Variants in ANKRD26 observed in about 807,000 individuals in gnomAD.
ANKRD26 encodes the protein ankyrin repeat domain-containing protein 26.
Under a neutral mutation model 208.7 loss-of-function variants are expected in ANKRD26, and 141 were observed. The ratio of observed to expected loss-of-function variants is 0.68; its 90% CI spans 0.59 to 0.78. The LOEUF (loss-of-function observed/expected upper bound fraction) is 0.78. Ranked by LOEUF, ANKRD26 falls within the 30% of genes least tolerant of loss-of-function variation. ANKRD26 has a pLI of 0.00. For synonymous variants in ANKRD26, 636 were observed against 660.4 expected (o/e 0.96, Z 0.57); for missense variants, 1,889 against 1,938.7 (o/e 0.97, Z 0.48).
At chr10:26,993,379 T>C (rs1312067399) in intron 5 of ANKRD26, among the ~76,000 whole-genome samples, 1 of 152,210 alleles carries the variant, frequency 6.6e-6, no homozygotes, top group Non-Finnish European at 1.5e-5. Context: ...CACAATGCTT[T>C]CCAGGTATCC....
chr10:27,091,714 G>A (rs986660833), intron 4 of ANKRD26, among the ~76,000 whole-genome samples: 4 of 152,170 alleles, frequency 2.6e-5, no homozygotes, highest in Admixed American at 2.0e-4. Flanking sequence ...GTGGCCGGGC[G>A]CAGTGGCTTA....
chr10:27,072,363 T>C (rs1002798925), intron 9 of ANKRD26, among the ~76,000 whole-genome samples: 1 of 152,214 alleles, frequency 6.6e-6, no homozygotes, highest in South Asian at 2.1e-4. Context: ...AGCTTCTCCC[T>C]GGAACACTAC....
rs1456439852 is a variant in ANKRD26, at chr10:27,060,395, G to A, written c.1514C>T (p.Ser505Phe). The A allele has an allele frequency of 1.2e-6, 2 of 1,612,700 alleles. No homozygotes were observed. Among genetic ancestry groups the A allele is most frequent in the Non-Finnish European group, 8.5e-7 (1 of 1,179,052 alleles). ...CATTCCTCCTGCTTTATTTGGAACA[G>A]AATCTTTCATTTCAATGGTAGGCTG... is the stretch of plus-strand genomic sequence containing the variant. ...HLKPTIEMKD[S>F]VPNKAGGMKD... Residue 505 changes from serine (S) to phenylalanine (F), a missense_variant, in exon 15 of 34, where the codon TCT (serine) becomes TTT (phenylalanine). Ser to Phe is a radical substitution (Grantham distance 155). This residue lies in a region of ANKRD26 where 1,272 missense variants were observed against 1,273.8 expected (regional missense o/e 1.00). Coordinates refer to ENST00000376087, the MANE Select transcript of ANKRD26 (RefSeq NM_014915.3).
chr10:26,972,183 C>T (rs551640343), downstream of ANKRD26, among the ~76,000 whole-genome samples: 3 of 148,090 alleles, frequency 2.0e-5, no homozygotes, highest in African/African-American at 2.5e-5. Flanking sequence ...TGCAGTGAGC[C>T]GAGATCGTGC....
intron 21 of ANKRD26, among the ~76,000 whole-genome samples, 170 bp from the exon 22 acceptor site, chr10:27,038,224 A>G (rs2054107379): frequency 6.6e-6 from 1 of 152,132 alleles, no homozygotes; most frequent in Admixed American, 6.5e-5. Context: ...AGTCTTTTCC[A>G]AAGGACATAT....
chr10:26,988,879 C>CAA (rs56162186), downstream of ANKRD26, among the ~76,000 whole-genome samples: 7,326 of 137,160 alleles, frequency 0.053, 433 homozygotes, highest in East Asian at 0.2. Context: ...GACCTCTTCT[C>CAA]AAAAAAAAAA....
chr10:27,023,189 C>T (rs957459479), intron 28 of ANKRD26, among the ~76,000 whole-genome samples: 2 of 151,892 alleles, frequency 1.3e-5, no homozygotes, highest in South Asian at 2.1e-4. Flanking sequence ...ATTAGCCAGG[C>T]GTGGTGGTGC....
chr10:27,096,609 C>CA (rs1194052716), intron 1 of ANKRD26, among the ~76,000 whole-genome samples: 3 of 150,540 alleles, frequency 2.0e-5, no homozygotes, highest in Non-Finnish European at 4.4e-5. Flanking sequence ...ACTAAAAATA[C>CA]AAAAAAAATA....
chr10:27,071,357 G>A (rs572514338), intron 9 of ANKRD26, among the ~76,000 whole-genome samples: 83 of 148,552 alleles, frequency 5.6e-4, no homozygotes, highest in African/African-American at 2.0e-3. Context: ...TTTTTTTTTA[G>A]TAGGGACGGG....
downstream of ANKRD26, among the ~76,000 whole-genome samples, chr10:27,000,877 C>A (rs34873765): frequency 6.6e-6 from 1 of 151,778 alleles, no homozygotes; most frequent in Non-Finnish European, 1.5e-5. Flanking sequence ...GGCATGGTGG[C>A]GGCACCTGTA....
At chr10:26,978,661 T>C (rs1411559779) in intron 5 of ANKRD26, among the ~76,000 whole-genome samples, 6 of 152,230 alleles carry the variant, frequency 3.9e-5, no homozygotes, top group Middle Eastern at 3.4e-3. Flanking sequence ...TCCTGTCTGG[T>C]ATCCCTGGGA....
chr10:27,006,841 C>T (rs2052902590), intron 33 of ANKRD26, 76 bp downstream of exon 33: 1 of 1,135,152 alleles, frequency 8.8e-7, no homozygotes, highest in African/African-American at 1.5e-5. Context: ...GGAAAGGGAT[C>T]CCACTCACGA....
chr10:27,074,046 C>A (rs1018852572), intron 9 of ANKRD26, among the ~76,000 whole-genome samples: 1 of 151,796 alleles, frequency 6.6e-6, no homozygotes, highest in Non-Finnish European at 1.5e-5. Context: ...AAAATAAATT[C>A]AAAAATAATT....
intron 4 of ANKRD26, among the ~76,000 whole-genome samples, chr10:26,997,987 C>T (rs186791126): frequency 6.6e-6 from 1 of 152,172 alleles, no homozygotes; most frequent in Non-Finnish European, 1.5e-5. Context: ...ATAGCCCCCA[C>T]GGCCTGGTGT....
intron 18 of ANKRD26, among the ~76,000 whole-genome samples, chr10:27,045,021 CT>C (rs1300608902): frequency 6.6e-6 from 1 of 152,180 alleles, no homozygotes; most frequent in Non-Finnish European, 1.5e-5. Context: ...GACCTTAAAT[CT>C]AGCCAATTTG....
intron 7 of ANKRD26, 64 bp downstream of exon 7, chr10:27,079,025 A>C: frequency 7.0e-7 from 1 of 1,436,586 alleles, no homozygotes. Flanking sequence ...GCAAAATTTT[A>C]AGAGAATACT....
intron 29 of ANKRD26, among the ~76,000 whole-genome samples, chr10:27,021,957 CAT>C (rs1309215271): frequency 6.6e-5 from 10 of 152,200 alleles, no homozygotes; most frequent in Admixed American, 3.3e-4. Context: ...TTGTTAGATG[CAT>C]AGTTTGCAAA....
chr10:27,003,049 G>A (rs1431835699), downstream of ANKRD26, among the ~76,000 whole-genome samples: 1 of 152,162 alleles, frequency 6.6e-6, no homozygotes, highest in African/African-American at 2.4e-5. Flanking sequence ...GGAACGTTAT[G>A]TTTTATTTGT....
intron 5 of ANKRD26, among the ~76,000 whole-genome samples, chr10:26,992,834 T>G (rs1394341640): frequency 1.3e-5 from 2 of 152,188 alleles, no homozygotes; most frequent in East Asian, 3.8e-4. Flanking sequence ...TGGGTTTTCA[T>G]ATCAGCCATA....
Sources: gnomAD v4.1 joint callset for allele counts (sites outside exome capture counted in the v4.1 genomes callset) on GRCh38, gnomAD v4.1.1 for gene constraint, gnomAD v4.1.1 regional missense constraint, MANE v1.5 for transcripts, NCBI Gene and HGNC (gene_info 2026-07-23, HGNC 2026-07-21) for gene names.